The following PHIP variants were observed in gnomAD, a reference collection of about 807,000 sequenced individuals.
PHIP encodes PHIP subunit of CUL4-Ring ligase complex, also known as PH-interacting protein.
Under a neutral mutation model 236.8 loss-of-function variants are expected in PHIP, and 54 were observed. The ratio of observed to expected loss-of-function variants is 0.23; its 90% confidence interval spans 0.18 to 0.29. The LOEUF (loss-of-function observed/expected upper bound fraction) is 0.29, where lower values mean the gene tolerates loss of function less well. Among genes scored for constraint, PHIP ranks in the 10% least tolerant of loss-of-function variants. The pLI is 1.00. For synonymous variants in PHIP, 756 were observed against 718.9 expected (o/e 1.05, Z -0.83); for missense variants, 1,370 against 2,190.8 (o/e 0.63, Z 7.48).
chr6:79,015,045 T>C, intron 15 of PHIP, 37 bp downstream of exon 15: 1 of 1,569,518 alleles, frequency 6.4e-7, no homozygotes, highest in Non-Finnish European at 8.7e-7. Context: ...AGCTCCCAAA[T>C]CTTTAGTAGG....
At chr6:78,974,164 A>G (rs1582143948) in intron 24 of PHIP, among the ~76,000 whole-genome samples, 1 of 152,276 alleles carries the variant, frequency 6.6e-6, no homozygotes, top group Non-Finnish European at 1.5e-5. Flanking sequence ...AACAGAAATT[A>G]TAACAAACTA....
intron 9 of PHIP, 102 bp downstream of exon 9, chr6:79,025,417 G>A: frequency 1.5e-6 from 1 of 650,742 alleles, no homozygotes; most frequent in Non-Finnish European, 2.7e-6. Flanking sequence ...TTTACTCAAG[G>A]AGAAAAAGTA....
intron 9 of PHIP, 63 bp from the exon 10 acceptor site, chr6:79,019,222 C>G (rs1770988423): frequency 4.9e-6 from 6 of 1,221,620 alleles, no homozygotes; most frequent in Non-Finnish European, 6.0e-6. Flanking sequence ...CAGAAATAAT[C>G]TGTTTCAAAA....
intron 7 of PHIP, 87 bp downstream of exon 7, chr6:79,042,756 A>C: frequency 2.0e-6 from 2 of 989,816 alleles, no homozygotes; most frequent in Non-Finnish European, 2.8e-6. Flanking sequence ...AAAGAAAAAA[A>C]AGCAAGGTTT....
chr6:79,017,435 T>C, intron 11 of PHIP, 48 bp downstream of exon 11: 1 of 1,580,182 alleles, frequency 6.3e-7, no homozygotes, highest in Non-Finnish European at 8.7e-7. Context: ...TATAAACTCT[T>C]GGACTCACAT....
rs1333414576 is a variant in PHIP, at chr6:78,935,277, G to A, written c.*5416C>T. Among the ~76,000 whole-genome samples the A allele has an allele frequency of 1.3e-5, 2 of 152,012 alleles. 1 individual carries two copies. The highest frequency in any genetic ancestry group is 4.1e-4 in the South Asian group (2 of 4,826). ...TCATTTTAACAAAACATCTTAGGGA[G>A]AAATTAACACAAAATTACAAATCAC... On this transcript the variant is annotated 3_prime_UTR_variant, in exon 40 of 40. Coordinates refer to ENST00000275034, the MANE Select transcript of PHIP (RefSeq NM_017934.7).
intron 35 of PHIP, among the ~76,000 whole-genome samples, chr6:78,950,256 A>AT (rs1180881200): frequency 6.6e-6 from 1 of 152,186 alleles, no homozygotes; most frequent in African/African-American, 2.4e-5. Context: ...GTATAAAATC[A>AT]TTTTTTAATA....
intron 27 of PHIP, among the ~76,000 whole-genome samples, chr6:78,968,637 C>A (rs1308586310): frequency 1.3e-5 from 2 of 152,164 alleles, no homozygotes; most frequent in East Asian, 3.8e-4. Context: ...TATATTTAAT[C>A]CATATTCAAT....
At chr6:79,017,207 T>C (rs1770875864) in intron 12 of PHIP, 139 bp downstream of exon 12, 2 of 550,330 alleles carry the variant, frequency 3.6e-6, no homozygotes, top group Non-Finnish European at 6.5e-6. Context: ...GTGAAGGCTA[T>C]ATTCACTTTT....
intron 7 of PHIP, among the ~76,000 whole-genome samples, chr6:79,038,868 A>T (rs1772071996): frequency 6.6e-6 from 1 of 152,196 alleles, no homozygotes; most frequent in Non-Finnish European, 1.5e-5. Flanking sequence ...CTCCCCTTAA[A>T]TTCCTACCAC....
Position 78,958,541 on chromosome 6 carries a change from T to C in PHIP, c.3716A>G (p.Asn1239Ser), listed in dbSNP as rs1158639595. 6.3e-7 allele frequency: 1 copy of C among 1,583,028 alleles called. No individual in the cohort carries two copies. The highest frequency in any genetic ancestry group is 1.7e-5 in the Admixed American group (1 of 59,900). Residue 1239 changes from asparagine (N) to serine (S), a missense_variant, in exon 32 of 40, where the codon AAT becomes AGT. Physicochemically the swap from Asn to Ser is conservative, Grantham distance 46. Around this residue, in one of 14 missense-constraint regions of PHIP, gnomAD observed 238 missense variants for 398.5 expected, o/e 0.60. Transcript: ENST00000275034. The part of the protein sequence containing the change: ...RYIEHNTRTF[N>S]EPGSPIVKSA... The stretch of plus-strand genomic sequence containing the variant: ...TTTCACAATAGGGCTTCCAGGCTCA[T>C]TAAATGTTCGTGTATTATGCTCTAT...
At chr6:79,060,625 G>T (rs748870836) in intron 5 of PHIP, 43 bp downstream of exon 5, 2 of 1,607,482 alleles carry the variant, frequency 1.2e-6, no homozygotes, top group Non-Finnish European at 8.5e-7. Context: ...AAAAACAAAA[G>T]TGAGATAAAT....
intron 6 of PHIP, among the ~76,000 whole-genome samples, chr6:79,058,016 AAT>A (rs1773159296): frequency 6.6e-6 from 1 of 152,196 alleles, no homozygotes; most frequent in South Asian, 2.1e-4. Context: ...GCTTTCAAAA[AAT>A]ATATGTAAAT....
intron 23 of PHIP, among the ~76,000 whole-genome samples, chr6:78,979,080 A>T (rs1232800223): frequency 1.3e-5 from 2 of 151,956 alleles, no homozygotes; most frequent in Non-Finnish European, 2.9e-5. Context: ...TGCAAATACT[A>T]TATGCCATTT....
intron 4 of PHIP, among the ~76,000 whole-genome samples, chr6:79,061,272 G>T (rs1234593354): frequency 6.6e-6 from 1 of 151,914 alleles, no homozygotes; most frequent in Non-Finnish European, 1.5e-5. Context: ...AAATACTATT[G>T]TATTACTTCA....
At position 79,035,034 on chromosome 6, in the gene PHIP, G is replaced by A. The variant is rs1287839731; in HGVS notation, c.600+7809C>T. On this transcript the variant is annotated intron_variant, in intron 7 of 39. Transcript: ENST00000275034. ...GGAGTCTGCACAGAACAAGCTTGCT[G>A]ACATCATAGCCTGACTATCTACCAC... Among the ~76,000 whole-genome samples, 3 of 152,136 alleles carry A rather than the reference G, an allele frequency of 2.0e-5. No homozygotes were observed. In the South Asian group the frequency reaches 6.2e-4, roughly 32 times the overall value.
intron 4 of PHIP, among the ~76,000 whole-genome samples, chr6:79,062,195 C>T (rs1338585521): frequency 6.6e-6 from 1 of 152,160 alleles, no homozygotes. Context: ...AAAAAGCACA[C>T]TGACATTGAA....
chr6:79,071,792 T>C (rs1773892390), intron 4 of PHIP, among the ~76,000 whole-genome samples: 1 of 152,126 alleles, frequency 6.6e-6, no homozygotes, highest in South Asian at 2.1e-4. Flanking sequence ...ACAAGATACA[T>C]TTTATTTGTT....
chr6:79,059,125 A>C (rs990686924), intron 6 of PHIP, among the ~76,000 whole-genome samples: 11 of 152,130 alleles, frequency 7.2e-5, no homozygotes, highest in Admixed American at 7.2e-4. Flanking sequence ...TTATCTCTGA[A>C]AAGTAAGTCA....
Sources: allele counts gnomAD v4.1 joint callset (sites outside exome capture counted in the v4.1 genomes callset), GRCh38; gene constraint gnomAD v4.1.1; regional missense constraint gnomAD v4.1.1; transcripts MANE v1.5; gene names NCBI Gene and HGNC (gene_info 2026-07-23, HGNC 2026-07-21).